The following ABI3BP variants were observed in gnomAD, a reference collection of about 807,000 sequenced individuals.
ABI3BP encodes the protein ABI family member 3 binding protein.
A neutral mutation model predicts 268.6 loss-of-function variants in ABI3BP; 216 were observed. The ratio of observed to expected loss-of-function variants is 0.80; its 90% CI spans 0.72 to 0.90. The LOEUF is 0.90. ABI3BP is among the 40% of genes least tolerant of loss of function. The pLI is 0.00. For missense variants in ABI3BP, 2,090 were observed against 2,182.4 expected, an observed-to-expected ratio of 0.96 and a Z score of 0.84; for synonymous variants, 730 against 730.0, an observed-to-expected ratio of 1.00 and a Z score of 0.00.
chr3:100,828,557 A>G (rs1176020116), intron 33 of ABI3BP, 105 bp from the exon 34 acceptor site: 2 of 1,014,658 alleles, frequency 2.0e-6, no homozygotes, highest in Non-Finnish European at 2.9e-6. Flanking sequence ...ATCTGTCCAG[A>G]GCACGAAGCA....
At position 100,864,866 on chromosome 3, in the gene ABI3BP, A is replaced by G. The variant is rs778309323; in HGVS notation, c.1030T>C (p.Ser344Pro). The G allele has an allele frequency of 1.4e-5, 22 of 1,608,634 alleles. No individual in the cohort carries two copies. The highest frequency in any genetic ancestry group is 1.8e-5 in the Non-Finnish European group (21 of 1,178,362). Residue 344 changes from serine to proline, a missense_variant, in exon 11 of 68, where the codon TCT (serine) becomes CCT (proline). Ser to Pro is a moderately conservative substitution (Grantham distance 74, BLOSUM62 -1). Transcript: ENST00000471714. ...TVPRSTKPTTSSALDVSETTL... is the reference protein window; with the variant it reads ...TVPRSTKPTTPSALDVSETTL... The stretch of plus-strand genomic sequence containing the variant: ...GTTTCTGAAACATCTAATGCACTAG[A>G]CGTAGTGGGTTTAGTGCTTCTTGGA...
chr3:100,874,177 G>A lies in ABI3BP; in HGVS notation c.910+664C>T, dbSNP rs562564725. 2.5e-4 allele frequency among the ~76,000 whole-genome samples: 38 copies of A among 152,206 alleles called. No individual in the cohort carries two copies. The East Asian group carries it at 5.2e-3, about 21-fold the overall frequency. On this transcript the variant is annotated intron_variant, in intron 9 of 67. Transcript: ENST00000471714. The stretch of plus-strand genomic sequence containing the variant: ...ACCGGACCTACTGAATCAGTAATTC[G>A]GGAGGTGGGTTGGTGGTGGGGGGTG...
chr3:100,917,898 C>T (rs546283160), intron 2 of ABI3BP, among the ~76,000 whole-genome samples: 1 of 152,260 alleles, frequency 6.6e-6, no homozygotes, highest in East Asian at 1.9e-4. Context: ...CATCTCTTAT[C>T]ATACAATGGC....
chr3:100,949,841 C>A (rs1174425804), intron 1 of ABI3BP, among the ~76,000 whole-genome samples: 1 of 152,086 alleles, frequency 6.6e-6, no homozygotes, highest in Non-Finnish European at 1.5e-5. Context: ...ACATAATGGG[C>A]CACACACAGG....
At chr3:100,774,782 T>G (rs1275658511) in intron 60 of ABI3BP, 109 bp from the exon 61 acceptor site, 2 of 880,190 alleles carry the variant, frequency 2.3e-6, no homozygotes, top group Non-Finnish European at 3.4e-6. Context: ...GTAAACTGCT[T>G]GCAGTTTTGA....
At chr3:100,808,071 A>G (rs904728942) in intron 50 of ABI3BP, 90 bp downstream of exon 50, 2 of 1,118,132 alleles carry the variant, frequency 1.8e-6, no homozygotes, top group African/African-American at 3.1e-5. Context: ...TAAAGACTCA[A>G]TCTGCTATCA....
In ABI3BP at chr3:100,869,304, C is replaced by T. The variant is rs535233888; in HGVS notation, c.911-2348G>A. 1.8e-4 allele frequency among the ~76,000 whole-genome samples: 21 copies of T among 116,994 alleles called. 1 individual carries two copies. The East Asian group carries it at 4.7e-3, about 26-fold the overall frequency. 76.8% of individuals were successfully genotyped at this position (116,994 alleles called of 152,430 possible). A position where few individuals can be genotyped will look rare whatever the true frequency, so the allele number is the denominator to read the frequency against. On this transcript the variant is annotated intron_variant, in intron 9 of 67. Transcript: ENST00000471714. Reference sequence around the variant, plus strand: ...CTATATTACTAACTCATTTTACAGGCATATTGTTTTTTCTTCTTCTTTTTG... The same window carrying T: ...CTATATTACTAACTCATTTTACAGGTATATTGTTTTTTCTTCTTCTTTTTG...
chr3:100,860,343 C>G (rs781316381), intron 14 of ABI3BP, among the ~76,000 whole-genome samples: 13 of 152,162 alleles, frequency 8.5e-5, no homozygotes, highest in Admixed American at 2.6e-4. Flanking sequence ...TTTGACAAGT[C>G]TCAATTCTTT....
Position 100,839,581 on chromosome 3 carries a change from C to T in ABI3BP, c.1933G>A (p.Val645Met). ...GGAGTAGAATTACCAGTTGTGGGCA[C>T]CAAGGGCTCCGGTTGTATCGTGGCA... is the stretch of plus-strand genomic sequence containing the variant. ...EPATIQPEPL[V>M]PTTASKPSER... is the part of the protein sequence containing the mutation. The change falls in exon 24 of 68, where the codon GTG becomes ATG. Residue 645 changes from valine to methionine, a missense_variant. Transcript: ENST00000471714. 1 of 1,535,772 alleles carries T rather than the reference C, an allele frequency of 6.5e-7. No homozygotes were observed. Among genetic ancestry groups the T allele is most frequent in the Non-Finnish European group, 8.7e-7 (1 of 1,146,660 alleles).
chr3:100,972,103 C>A (rs2083885386), intron 1 of ABI3BP, among the ~76,000 whole-genome samples: 1 of 152,134 alleles, frequency 6.6e-6, no homozygotes, highest in African/African-American at 2.4e-5. Flanking sequence ...TAGCTCCATG[C>A]ATCAATGTAT....
chr3:100,840,164 G>A lies in ABI3BP; in HGVS notation c.1805C>T (p.Ala602Val), dbSNP rs2098670215. 2 of 1,524,090 alleles carry A rather than the reference G, an allele frequency of 1.3e-6. No individual in the cohort carries two copies. The highest frequency in any genetic ancestry group is 1.2e-5 in the South Asian group (1 of 82,264). The allele number at this position is 1,524,090 out of a possible 1,614,324, so 94.4% of individuals were successfully genotyped here. A position where few individuals can be genotyped will look rare whatever the true frequency, so the allele number is the denominator to read the frequency against. Residue 602 changes from alanine to valine, a missense_variant and splice_region_variant, in exon 23 of 68, where the codon GCA becomes GTA. Transcript: ENST00000471714. ...ACCTGGTCTTTTGGTCTTTCGTGGT[G>A]CTGAAGAAAGAAAATTAGCAAGTTA... is the stretch of plus-strand genomic sequence containing the variant. ...TPGTKPSTTL[A>V]PRKTKRPGRR...
At chr3:100,860,270 G>A (rs2098983621) in intron 14 of ABI3BP, among the ~76,000 whole-genome samples, 1 of 152,126 alleles carries the variant, frequency 6.6e-6, no homozygotes, top group African/African-American at 2.4e-5. Flanking sequence ...TATAAGGCAG[G>A]ATGGGAAGCT....
At chr3:100,843,222 T>C (rs887422566) in intron 20 of ABI3BP, among the ~76,000 whole-genome samples, 8 of 152,166 alleles carry the variant, frequency 5.3e-5, no homozygotes, top group Admixed American at 3.9e-4. Flanking sequence ...GATCAAAAAA[T>C]TTTTGTGTTG....
At chr3:100,969,140 C>T (rs1226216625) in intron 1 of ABI3BP, among the ~76,000 whole-genome samples, 1 of 152,144 alleles carries the variant, frequency 6.6e-6, no homozygotes, top group Non-Finnish European at 1.5e-5. Context: ...GCAAGAAAGT[C>T]ACAGACTTGA....
At chr3:100,927,441 G>A (rs550211886) in intron 1 of ABI3BP, among the ~76,000 whole-genome samples, 14 of 152,218 alleles carry the variant, frequency 9.2e-5, no homozygotes, top group African/African-American at 3.1e-4. Flanking sequence ...AAAGGTTAGT[G>A]TATTAGTCTG....
Position 100,835,621 on chromosome 3 carries a change from T to C in ABI3BP, c.2171A>G (p.Glu724Gly). The C allele has an allele frequency of 6.5e-7, 1 of 1,535,254 alleles. No homozygotes were observed. Among genetic ancestry groups the C allele is most frequent in the African/African-American group, 1.4e-5 (1 of 73,104 alleles). The change falls in exon 28 of 68, where the codon GAG (glutamate) becomes GGG (glycine). Residue 724 changes from glutamate (E) to glycine (G), a missense_variant. Physicochemically the swap from Glu to Gly is moderately conservative, Grantham distance 98. Transcript: ENST00000471714. ...ATTACCTAATGTTGTCACTGTAGCC[T>C]CAGTTCTCACAGTTACAGGCTCAAT... is the stretch of plus-strand genomic sequence containing the variant. ...TDIEPVTVRT[E>G]ATVTTLAPKT... is the part of the protein sequence containing the mutation.
At chr3:100,921,158 T>A (rs558146524) in intron 2 of ABI3BP, among the ~76,000 whole-genome samples, 9 of 152,190 alleles carry the variant, frequency 5.9e-5, no homozygotes, top group Non-Finnish European at 1.3e-4. Context: ...AACACGAGAA[T>A]TAAAACATTT....
chr3:100,912,386 G>A (rs1293896519), intron 2 of ABI3BP, among the ~76,000 whole-genome samples: 1 of 144,568 alleles, frequency 6.9e-6, no homozygotes, highest in African/African-American at 2.6e-5. Flanking sequence ...AGGGATACAA[G>A]AGCAGTACCA....
intron 2 of ABI3BP, among the ~76,000 whole-genome samples, chr3:100,920,179 C>G (rs983633470): frequency 2.6e-5 from 4 of 152,136 alleles, no homozygotes; most frequent in Non-Finnish European, 5.9e-5. Context: ...ATCTCCGCAC[C>G]CACAAATATA....
Sources: allele counts gnomAD v4.1 joint callset (sites outside exome capture counted in the v4.1 genomes callset), GRCh38; gene constraint gnomAD v4.1.1; transcripts MANE v1.5; gene names NCBI Gene and HGNC (gene_info 2026-07-23, HGNC 2026-07-21).